KANK1: variants seen among roughly 807,000 people sequenced by gnomAD.
KANK1 encodes the protein KN motif and ankyrin repeat domains 1.
A neutral mutation model predicts 106.2 loss-of-function variants in KANK1; 109 were observed. The ratio of observed to expected loss-of-function variants is 1.03; its 90% CI spans 0.88 to 1.20. KANK1 has a LOEUF of 1.20. KANK1 is among the 50% of genes most tolerant of loss of function. The pLI, the probability that KANK1 is intolerant of heterozygous loss-of-function variation, is 0.00. For missense variants in KANK1, 2,399 were observed against 1,710.7 expected, an observed-to-expected ratio of 1.40 and a Z score of -7.10; for synonymous variants, 873 against 652.2, an observed-to-expected ratio of 1.34 and a Z score of -5.16.
At chr9:471,823 A>T (rs949628508) in intron 2 of KANK1, among the ~76,000 whole-genome samples, 1 of 152,168 alleles carries the variant, frequency 6.6e-6, no homozygotes, top group Non-Finnish European at 1.5e-5. Context: ...GCACTTAGGC[A>T]TTGGAGATTA....
At chr9:527,417 T>G (rs531302764) in intron 1 of KANK1, among the ~76,000 whole-genome samples, 1 of 59,690 alleles carries the variant, frequency 1.7e-5, no homozygotes, top group South Asian at 4.4e-4. Context: ...TTCTCCTTCC[T>G]CAGCCCCTCA....
At chr9:589,910 C>T (rs1396599477) in intron 1 of KANK1, among the ~76,000 whole-genome samples, 1 of 152,158 alleles carries the variant, frequency 6.6e-6, no homozygotes, top group Non-Finnish European at 1.5e-5. Context: ...CGTCTGGGCT[C>T]CAAGTCGACA....
At chr9:698,372 A>T (rs542877716) in intron 2 of KANK1, among the ~76,000 whole-genome samples, 28 of 152,200 alleles carry the variant, frequency 1.8e-4, no homozygotes, top group African/African-American at 6.5e-4. Context: ...GCCCTCACTC[A>T]TGCCATATCC....
At position 593,983 on chromosome 9, in the gene KANK1, C is replaced by G. The variant is rs549642384; in HGVS notation, c.-83-82907C>G. On this transcript the variant is annotated intron_variant, in intron 1 of 11. Transcript: ENST00000382297. The stretch of plus-strand genomic sequence containing the variant: ...TGAGGGTGGAGAGCAAAGTGACTCC[C>G]TGGGCTGTGCCCTTCACACTGGTTT... Among the ~76,000 whole-genome samples the G allele has an allele frequency of 5.4e-4, 82 of 152,004 alleles. 1 individual carries two copies. Among genetic ancestry groups the G allele is most frequent in the African/African-American group, 1.9e-3 (79 of 41,276 alleles).
chr9:613,831 C>A (rs7028546), intron 1 of KANK1, among the ~76,000 whole-genome samples: 98,874 of 152,006 alleles, frequency 0.65, 33,501 homozygotes, highest in South Asian at 0.76. Flanking sequence ...GGCAGTGTCA[C>A]CAGCCTTTTG....
In KANK1 at chr9:651,188, A is replaced by G. The variant is rs137898507; in HGVS notation, c.-83-25702A>G. On this transcript the variant is annotated intron_variant, in intron 1 of 11. Coordinates refer to ENST00000382297, the MANE Select transcript of KANK1 (RefSeq NM_015158.5). ...GGTCATACAACACTAAAAATCATACATATGTCCTTAGGAATGGGGTTTTAT... is the reference window on the plus strand; with the variant it reads ...GGTCATACAACACTAAAAATCATACGTATGTCCTTAGGAATGGGGTTTTAT... Among the ~76,000 whole-genome samples the G allele has an allele frequency of 9.8e-5, 15 of 152,324 alleles. No homozygotes were observed. The East Asian group carries it at 2.9e-3, about 29-fold the overall frequency.
Position 634,663 on chromosome 9 carries a change from T to A in KANK1, c.-83-42227T>A, listed in dbSNP as rs569861959. Among the ~76,000 whole-genome samples the A allele has an allele frequency of 6.2e-4, 94 of 152,330 alleles. 1 individual carries two copies. The highest frequency in any genetic ancestry group is 2.2e-3 in the African/African-American group (93 of 41,568). ...AATGAGTTTCAGGGAGGGACTGTTA[T>A]CATCCTTGTTTCAAAGTTAAATTAC... On this transcript the variant is annotated intron_variant, in intron 1 of 11. Coordinates refer to ENST00000382297, the MANE Select transcript of KANK1 (RefSeq NM_015158.5).
chr9:526,046 C>T lies in KANK1; in HGVS notation c.-84+21292C>T, dbSNP rs550247313. 7.7e-4 allele frequency among the ~76,000 whole-genome samples: 117 copies of T among 151,892 alleles called. 3 individuals carry two copies. Among genetic ancestry groups the T allele is most frequent in the African/African-American group, 2.8e-3 (114 of 41,172 alleles). On this transcript the variant is annotated intron_variant, in intron 1 of 11. Transcript: ENST00000382297. Reference sequence around the variant, plus strand: ...GTTGTGCATGCAAACCCACATGTATCCCTCTCTGCCTCTGAGGAGAATGGG... The same window carrying T: ...GTTGTGCATGCAAACCCACATGTATTCCTCTCTGCCTCTGAGGAGAATGGG...
At chr9:594,135 C>T (rs1825655475) in intron 1 of KANK1, among the ~76,000 whole-genome samples, 1 of 151,898 alleles carries the variant, frequency 6.6e-6, no homozygotes, top group Non-Finnish European at 1.5e-5. Flanking sequence ...GGGGTTTTCA[C>T]AGTACCCACC....
At chr9:717,815 A>C (rs1003412313) in intron 3 of KANK1, among the ~76,000 whole-genome samples, 1 of 152,194 alleles carries the variant, frequency 6.6e-6, no homozygotes, top group African/African-American at 2.4e-5. Flanking sequence ...TAAATGACTT[A>C]CAGATACTCT....
upstream of KANK1, among the ~76,000 whole-genome samples, chr9:501,937 G>A (rs769719493): frequency 4.6e-5 from 7 of 152,162 alleles, no homozygotes; most frequent in Non-Finnish European, 7.3e-5. Context: ...GTTTCACTTA[G>A]TAAACGGTTC....
chr9:717,919 A>AT (rs1284649714), intron 3 of KANK1, among the ~76,000 whole-genome samples: 2 of 152,220 alleles, frequency 1.3e-5, no homozygotes, highest in Non-Finnish European at 2.9e-5. Flanking sequence ...TTCATCTCTC[A>AT]TACTGAAAAG....
intron 1 of KANK1, among the ~76,000 whole-genome samples, chr9:664,215 A>C (rs1432606479): frequency 6.6e-6 from 1 of 152,070 alleles, no homozygotes; most frequent in African/African-American, 2.4e-5. Flanking sequence ...ACTGCTCTTC[A>C]TTCCCCATCC....
intron 1 of KANK1, among the ~76,000 whole-genome samples, chr9:641,247 T>C (rs907229751): frequency 1.4e-4 from 22 of 152,344 alleles, no homozygotes; most frequent in Non-Finnish European, 1.5e-4. Flanking sequence ...ATGAACAGTA[T>C]GTTTAAGGAT....
At chr9:605,018 C>T (rs182335819) in intron 1 of KANK1, among the ~76,000 whole-genome samples, 2 of 150,300 alleles carry the variant, frequency 1.3e-5, no homozygotes, top group African/African-American at 2.5e-5. Flanking sequence ...TAATAGAAAC[C>T]TCCTGCTGAG....
At chr9:621,040 A>G (rs1040193623) in intron 1 of KANK1, among the ~76,000 whole-genome samples, 1 of 152,134 alleles carries the variant, frequency 6.6e-6, no homozygotes, top group Non-Finnish European at 1.5e-5. Context: ...TAGGGGATAA[A>G]TTGCCAAAAC....
At chr9:523,496 T>C (rs763905450) in intron 1 of KANK1, among the ~76,000 whole-genome samples, 1 of 151,792 alleles carries the variant, frequency 6.6e-6, no homozygotes, top group Admixed American at 6.6e-5. Flanking sequence ...AAAAGTCACA[T>C]TGTGGCACTG....
chr9:483,388 A>G (rs746708840), intron 3 of KANK1, among the ~76,000 whole-genome samples: 7 of 152,214 alleles, frequency 4.6e-5, no homozygotes, highest in Non-Finnish European at 1.0e-4. Context: ...GGTTTGAATC[A>G]AACATTGGAA....
At chr9:633,459 A>G (rs903264476) in intron 1 of KANK1, among the ~76,000 whole-genome samples, 3 of 152,056 alleles carry the variant, frequency 2.0e-5, no homozygotes, top group Admixed American at 1.3e-4. Flanking sequence ...CTCCGTCTCA[A>G]AAACAAAACA....
Sources: allele counts gnomAD v4.1 joint callset (sites outside exome capture counted in the v4.1 genomes callset), GRCh38; gene constraint gnomAD v4.1.1; transcripts MANE v1.5; gene names NCBI Gene and HGNC (gene_info 2026-07-23, HGNC 2026-07-21).